TRPM6: variants seen among roughly 807,000 people sequenced by gnomAD.
TRPM6 encodes the protein channel kinase 2.
A neutral mutation model predicts 247.6 loss-of-function variants in TRPM6; 111 were observed. The observed-to-expected ratio is 0.45, with a 90% CI of 0.38 to 0.52. The LOEUF (loss-of-function observed/expected upper bound fraction) is 0.52, where lower values mean the gene tolerates loss of function less well. Among genes scored for constraint, TRPM6 ranks in the 20% least tolerant of loss-of-function variants. The pLI, the probability that TRPM6 is intolerant of heterozygous loss-of-function variation, is 0.00. For missense variants in TRPM6, 2,126 were observed against 2,421.5 expected (o/e 0.88, Z 2.56); for synonymous variants, 892 against 853.8 (o/e 1.04, Z -0.78).
intron 15 of TRPM6, 130 bp from the exon 16 acceptor site, chr9:74,802,305 G>A: frequency 1.1e-6 from 1 of 875,828 alleles, no homozygotes; most frequent in Non-Finnish European, 1.8e-6. Context: ...ATAATAATAA[G>A]ATTTTACAAG....
chr9:74,775,082 T>A (rs1827172594), intron 24 of TRPM6, among the ~76,000 whole-genome samples: 1 of 152,218 alleles, frequency 6.6e-6, no homozygotes, highest in Non-Finnish European at 1.5e-5. Flanking sequence ...CGCAATGTTC[T>A]CTGACAACAA....
intron 21 of TRPM6, among the ~76,000 whole-genome samples, chr9:74,783,977 C>T (rs187392004): frequency 1.4e-3 from 217 of 152,204 alleles, no homozygotes; most frequent in African/African-American, 5.0e-3. Flanking sequence ...AAAAGCCGGC[C>T]GGGCTCAGTA....
At chr9:74,784,573 T>G (rs537979473) in intron 21 of TRPM6, among the ~76,000 whole-genome samples, 1 of 152,302 alleles carries the variant, frequency 6.6e-6, no homozygotes, top group Non-Finnish European at 1.5e-5. Context: ...GATACAAGAA[T>G]AAACGGATAT....
At chr9:74,785,561 C>T (rs1015206729) in intron 21 of TRPM6, among the ~76,000 whole-genome samples, 13 of 152,066 alleles carry the variant, frequency 8.5e-5, no homozygotes, top group Middle Eastern at 3.4e-3. Context: ...CTCGCTCTGT[C>T]GCTCAAGCTG....
At chr9:74,828,331 A>G (rs1301904933) in intron 6 of TRPM6, among the ~76,000 whole-genome samples, 1 of 152,160 alleles carries the variant, frequency 6.6e-6, no homozygotes, top group African/African-American at 2.4e-5. Context: ...ACTCCAGTGC[A>G]ACAGAACGAG....
chr9:74,829,230 T>C (rs1385705225), intron 6 of TRPM6, among the ~76,000 whole-genome samples: 1 of 152,120 alleles, frequency 6.6e-6, no homozygotes, highest in African/African-American at 2.4e-5. Flanking sequence ...AGGTGGAGGT[T>C]GCAGTGAGCC....
intron 25 of TRPM6, 122 bp downstream of exon 25, chr9:74,771,581 T>A: frequency 1.1e-6 from 1 of 891,306 alleles, no homozygotes; most frequent in Non-Finnish European, 1.8e-6. Flanking sequence ...TGTTGTTAAA[T>A]GTTTCAAATT....
intron 36 of TRPM6, among the ~76,000 whole-genome samples, chr9:74,736,939 A>C (rs779262806): frequency 2.0e-5 from 3 of 152,216 alleles, no homozygotes; most frequent in Non-Finnish European, 4.4e-5. Context: ...TTAATTCCTT[A>C]AAGTTTTTCT....
chr9:74,883,553 G>A (rs1165963498), intron 1 of TRPM6, among the ~76,000 whole-genome samples: 1 of 152,256 alleles, frequency 6.6e-6, no homozygotes, highest in Non-Finnish European at 1.5e-5. Context: ...TGATTGTGAA[G>A]AGAAAATGCT....
chr9:74,788,794 A>G (rs1469639576), intron 19 of TRPM6, 52 bp from the exon 20 acceptor site: 1 of 1,606,252 alleles, frequency 6.2e-7, no homozygotes, highest in African/African-American at 1.3e-5. Context: ...AGCATGGAGC[A>G]TGCCAAGGAG....
intron 6 of TRPM6, among the ~76,000 whole-genome samples, chr9:74,828,537 G>A (rs1829431170): frequency 6.6e-6 from 1 of 151,936 alleles, no homozygotes; most frequent in Non-Finnish European, 1.5e-5. Flanking sequence ...AACAAACCCT[G>A]TTCAGCAAGA....
In TRPM6 at chr9:74,724,582, C is replaced by A; in HGVS notation, c.*31G>T. On this transcript the variant is annotated 3_prime_UTR_variant, in exon 39 of 39. Coordinates refer to ENST00000360774, the MANE Select transcript of TRPM6 (RefSeq NM_017662.5). ...ATCACAGAGTTCCTGGCAGGCAGGGCAAGCACTGGGATCTTCTTGCTCCTC... is the reference window on the plus strand; with the variant it reads ...ATCACAGAGTTCCTGGCAGGCAGGGAAAGCACTGGGATCTTCTTGCTCCTC... 1 of 1,613,956 alleles carries A rather than the reference C, an allele frequency of 6.2e-7. No individual in the cohort carries two copies. The highest frequency in any genetic ancestry group is 1.7e-4 in the Middle Eastern group (1 of 5,932).
intron 18 of TRPM6, among the ~76,000 whole-genome samples, chr9:74,793,127 G>C (rs907995249): frequency 6.6e-5 from 10 of 152,154 alleles, no homozygotes; most frequent in African/African-American, 2.2e-4. Context: ...CCGCACTCCA[G>C]CCTGGGTGAC....
chr9:74,752,380 GAAGAGA>G lies in TRPM6; in HGVS notation c.4907-18_4907-13del. ...GTAAGGTTCTACACCTTGTAAAGAGGAAGAGAAAGATTAGAAAATACATGAAAATGT... is the reference window on the plus strand; with the variant it reads ...GTAAGGTTCTACACCTTGTAAAGAGGAAGATTAGAAAATACATGAAAATGT... On this transcript the variant is annotated splice_polypyrimidine_tract_variant and intron_variant, in intron 28 of 38. Coordinates refer to ENST00000360774, the MANE Select transcript of TRPM6 (RefSeq NM_017662.5). The G allele has an allele frequency of 1.4e-6, 2 of 1,426,572 alleles. No homozygotes were observed. Among genetic ancestry groups the G allele is most frequent in the African/African-American group, 1.4e-5 (1 of 71,490 alleles). The allele number at this position is 1,426,572 out of a possible 1,614,324, so 88.4% of individuals were successfully genotyped here. A position where few individuals can be genotyped will look rare whatever the true frequency, so the allele number is the denominator to read the frequency against.
chr9:74,823,240 T>A (rs1425424249), intron 7 of TRPM6, among the ~76,000 whole-genome samples: 2 of 152,080 alleles, frequency 1.3e-5, no homozygotes, highest in Non-Finnish European at 2.9e-5. Flanking sequence ...ATCTACAGGG[T>A]CAAGGGTCAA....
At chr9:74,740,508 T>C (rs1213837990) in intron 33 of TRPM6, among the ~76,000 whole-genome samples, 1 of 152,234 alleles carries the variant, frequency 6.6e-6, no homozygotes, top group African/African-American at 2.4e-5. Flanking sequence ...TTTTGGAATA[T>C]GTGCATATAC....
intron 33 of TRPM6, among the ~76,000 whole-genome samples, chr9:74,740,690 T>C (rs1825834233): frequency 6.6e-6 from 1 of 152,204 alleles, no homozygotes. Flanking sequence ...TGAGGTCAGT[T>C]GTGGGAGTTT....
rs371611903 is a variant in TRPM6 at position 74,755,411 on chromosome 9, G to A, written c.4848C>T (p.Ser1616=). Reference sequence around the variant, plus strand: ...TCTTGCTGTACTCCTCTTCAGAGATGCTGTTTTCTCCTGGCTCTGGATTCA... The same window carrying A: ...TCTTGCTGTACTCCTCTTCAGAGATACTGTTTTCTCCTGGCTCTGGATTCA... ...DQLNPEPGEN[S]ISEEEYSKNW... is the part of the protein sequence containing the mutation. Residue 1616 remains serine (S), a synonymous_variant, in exon 28 of 39, where the codon AGC becomes AGT. Transcript: ENST00000360774. 3.1e-6 allele frequency: 5 copies of A among 1,613,958 alleles called. No homozygotes were observed. In the African/African-American group the frequency reaches 6.7e-5, roughly 22 times the overall value.
At chr9:74,836,950 T>C (rs1457522037) in intron 5 of TRPM6, among the ~76,000 whole-genome samples, 1 of 152,234 alleles carries the variant, frequency 6.6e-6, no homozygotes, top group East Asian at 1.9e-4. Flanking sequence ...AGAATTCATG[T>C]CCGTCTTCCT....
Sources: allele counts gnomAD v4.1 joint callset (sites outside exome capture counted in the v4.1 genomes callset), GRCh38; gene constraint gnomAD v4.1.1; transcripts MANE v1.5; gene names NCBI Gene and HGNC (gene_info 2026-07-23, HGNC 2026-07-21).